UBASH3B: variants seen among roughly 807,000 people sequenced by gnomAD.
UBASH3B encodes the protein ubiquitin associated and SH3 domain containing B.
Under a neutral mutation model 83.4 loss-of-function variants are expected in UBASH3B, and 37 were observed. The observed-to-expected ratio is 0.44, with a 90% CI of 0.34 to 0.58. The LOEUF (loss-of-function observed/expected upper bound fraction) is 0.58. UBASH3B is among the 20% of genes least tolerant of loss of function. The pLI is 0.01. For missense variants in UBASH3B, 657 were observed against 827.2 expected (o/e 0.79, Z 2.52); for synonymous variants, 304 against 318.3 (o/e 0.96, Z 0.48).
intron 1 of UBASH3B, among the ~76,000 whole-genome samples, chr11:122,766,774 T>C (rs756155103): frequency 6.6e-6 from 1 of 151,912 alleles, no homozygotes; most frequent in Non-Finnish European, 1.5e-5. Flanking sequence ...AATAAATACG[T>C]AAATAAAATA....
intron 6 of UBASH3B, among the ~76,000 whole-genome samples, 168 bp from the exon 7 acceptor site, chr11:122,794,534 A>C (rs1405015831): frequency 6.6e-6 from 1 of 152,186 alleles, no homozygotes; most frequent in African/African-American, 2.4e-5. Flanking sequence ...TCAGTATAAA[A>C]CAAGGTATTT....
In UBASH3B at chr11:122,796,198, C is replaced by T; in HGVS notation, c.1156C>T (p.Leu386Phe). The T allele has an allele frequency of 1.9e-6, 3 of 1,614,136 alleles. No homozygotes were observed. The highest frequency in any genetic ancestry group is 3.3e-4 in the Middle Eastern group (2 of 6,062). Residue 386 changes from leucine (L) to phenylalanine (F), a missense_variant, in exon 8 of 14, where the codon CTT becomes TTT. By Grantham distance (22) the Leu-to-Phe change is conservative. Transcript: ENST00000284273. The stretch of plus-strand genomic sequence containing the variant: ...CCAGCCCGGCCCCCAGAAGCGATGC[C>T]TTTTTGTGTGTCGGCATGGTGAGAG... ...NSQPGPQKRC[L>F]FVCRHGERMD...
At chr11:122,661,017 AACAG>A (rs1863431064) in intron 1 of UBASH3B, among the ~76,000 whole-genome samples, 1 of 152,192 alleles carries the variant, frequency 6.6e-6, no homozygotes, top group Non-Finnish European at 1.5e-5. Context: ...AAAATGAGAT[AACAG>A]ACAGAAAAGA....
chr11:122,807,997 C>A, intron 12 of UBASH3B, 70 bp from the exon 13 acceptor site: 3 of 1,202,052 alleles, frequency 2.5e-6, no homozygotes, highest in Non-Finnish European at 3.7e-6. Flanking sequence ...ATTTAGTTAG[C>A]TTCCAGTATT....
chr11:122,791,215 C>T (rs1387474886), intron 6 of UBASH3B, among the ~76,000 whole-genome samples: 1 of 152,156 alleles, frequency 6.6e-6, no homozygotes, highest in Non-Finnish European at 1.5e-5. Flanking sequence ...ATAAGTTAGG[C>T]ATTAGTTTAT....
At position 122,777,064 on chromosome 11, in the gene UBASH3B, CT is replaced by C. The variant is rs1565561016; in HGVS notation, c.257del (p.Leu86ArgfsTer15). 1 of 1,613,508 alleles carries C rather than the reference CT, an allele frequency of 6.2e-7. No homozygotes were observed. The highest frequency in any genetic ancestry group is 2.2e-5 in the East Asian group (1 of 44,824). On this transcript the variant is annotated frameshift_variant, in exon 3 of 14. Transcript: ENST00000284273. LOFTEE classifies it high-confidence loss of function. ...HVGDPFLDDPLPREYVLYLRP... is the reference protein window; with the variant it reads ...HVGDPFLDDPXPREYVLYLRP... ...CGGTGACCCCTTCCTGGATGACCCC[CT>C]GCCCCGGGAGTACGTCCTCTACCTC...
intron 1 of UBASH3B, among the ~76,000 whole-genome samples, chr11:122,746,046 G>T (rs2135964147): frequency 6.6e-6 from 1 of 152,308 alleles, no homozygotes; most frequent in South Asian, 2.1e-4. Context: ...ACATGTGTGG[G>T]ATGGATGAAC....
Position 122,809,880 on chromosome 11 carries a change from A to G in UBASH3B, c.1944A>G (p.Gln648=). The change falls in exon 14 of 14, where the codon CAA becomes CAG. Residue 648 remains glutamine, a synonymous_variant. Transcript: ENST00000284273. ...GGFNWRETLL[Q]E ...TCAACTGGAGAGAGACCTTGCTTCA[A>G]GAATAAACCACACCAGTGAACAAGA... 6.2e-7 allele frequency: 1 copy of G among 1,614,074 alleles called. No individual in the cohort carries two copies. The highest frequency in any genetic ancestry group is 2.2e-5 in the East Asian group (1 of 44,880).
At chr11:122,688,059 C>A (rs1863830521) in intron 1 of UBASH3B, among the ~76,000 whole-genome samples, 1 of 152,086 alleles carries the variant, frequency 6.6e-6, no homozygotes, top group Non-Finnish European at 1.5e-5. Flanking sequence ...GGAGAAAGAA[C>A]TGTTCAACTG....
At chr11:122,718,672 T>A (rs1423367910) in intron 1 of UBASH3B, among the ~76,000 whole-genome samples, 1 of 152,208 alleles carries the variant, frequency 6.6e-6, no homozygotes, top group Non-Finnish European at 1.5e-5. Context: ...AAAGTCTTTT[T>A]GATTGGAGCC....
chr11:122,723,675 G>A (rs1860680479), intron 1 of UBASH3B, among the ~76,000 whole-genome samples: 1 of 152,232 alleles, frequency 6.6e-6, no homozygotes, highest in Non-Finnish European at 1.5e-5. Flanking sequence ...CCAGTTCCAA[G>A]AAAGAGTCCC....
chr11:122,700,030 C>T (rs73613067), intron 1 of UBASH3B, among the ~76,000 whole-genome samples: 5,847 of 152,300 alleles, frequency 0.038, 392 homozygotes, highest in African/African-American at 0.13. Context: ...GTGCTTTATT[C>T]ACTTGGCCGT....
chr11:122,783,880 T>A (rs12797324), intron 5 of UBASH3B, among the ~76,000 whole-genome samples: 1 of 151,892 alleles, frequency 6.6e-6, no homozygotes, highest in Non-Finnish European at 1.5e-5. Context: ...GCACCCTTCC[T>A]TTGAGGGAAT....
At chr11:122,667,872 C>T (rs1424982122) in intron 1 of UBASH3B, among the ~76,000 whole-genome samples, 1 of 152,158 alleles carries the variant, frequency 6.6e-6, no homozygotes, top group African/African-American at 2.4e-5. Flanking sequence ...AGATCCCACA[C>T]GGCTAGTCTG....
intron 1 of UBASH3B, among the ~76,000 whole-genome samples, chr11:122,744,508 CCTAT>C (rs1190151301): frequency 6.6e-6 from 1 of 151,682 alleles, no homozygotes; most frequent in Non-Finnish European, 1.5e-5. Context: ...AGCATGTGTG[CCTAT>C]CTATGAGCTC....
At chr11:122,763,827 T>C (rs1860487147) in intron 1 of UBASH3B, among the ~76,000 whole-genome samples, 1 of 152,120 alleles carries the variant, frequency 6.6e-6, no homozygotes, top group Non-Finnish European at 1.5e-5. Context: ...ATGGTTGATA[T>C]TTACTGACAG....
intron 1 of UBASH3B, among the ~76,000 whole-genome samples, chr11:122,766,905 C>T (rs7120946): frequency 0.97 from 147,456 of 152,372 alleles, 71,532 homozygotes; most frequent in Middle Eastern, 1. Flanking sequence ...ATGTCTCCAG[C>T]CCCTTCCCCC....
rs762203739 is a variant in UBASH3B at position 122,808,101 on chromosome 11, C to T, written c.1737C>T (p.Ser579=). Residue 579 remains serine, a synonymous_variant, in exon 13 of 14, where the codon TCC becomes TCT. Coordinates refer to ENST00000284273, the MANE Select transcript of UBASH3B (RefSeq NM_032873.5). The part of the protein sequence containing the change: ...NNILIVAHAS[S]LEACTCQLQG... ...TCCTGATTGTGGCCCACGCATCTTC[C>T]CTTGAAGCGTGTACCTGCCAACTTC... 8.1e-6 allele frequency: 13 copies of T among 1,614,148 alleles called. 1 individual carries two copies. In the South Asian group the frequency reaches 1.2e-4, roughly 15 times the overall value.
At chr11:122,784,475 C>T (rs981465852) in intron 5 of UBASH3B, among the ~76,000 whole-genome samples, 1 of 152,136 alleles carries the variant, frequency 6.6e-6, no homozygotes, top group African/African-American at 2.4e-5. Context: ...GCCTGGGCAG[C>T]ATAGTGAGAC....
Sources: allele counts gnomAD v4.1 joint callset (sites outside exome capture counted in the v4.1 genomes callset), GRCh38; gene constraint gnomAD v4.1.1; transcripts MANE v1.5; gene names NCBI Gene and HGNC (gene_info 2026-07-23, HGNC 2026-07-21).